Variants in ATRNL1 observed in about 807,000 individuals in gnomAD.
ATRNL1 encodes the protein attractin like 1.
In ATRNL1, 95 loss-of-function variants were observed where a neutral mutation model predicts 182.7. The ratio of observed to expected loss-of-function variants is 0.52; its 90% confidence interval spans 0.44 to 0.62. The LOEUF (loss-of-function observed/expected upper bound fraction) is 0.62, where lower values mean the gene tolerates loss of function less well. Ranked by LOEUF, ATRNL1 falls within the 20% of genes least tolerant of loss-of-function variation. ATRNL1 has a pLI of 0.00. For missense variants in ATRNL1, 1,471 were observed against 1,679.5 expected, an observed-to-expected ratio of 0.88 and a Z score of 2.17; for synonymous variants, 576 against 568.3, an observed-to-expected ratio of 1.01 and a Z score of -0.19.
chr10:115,274,102 G>A (rs955075559), intron 13 of ATRNL1, among the ~76,000 whole-genome samples: 2 of 152,194 alleles, frequency 1.3e-5, no homozygotes, highest in Non-Finnish European at 2.9e-5. Context: ...CTAAGGGTCT[G>A]CACTATTATT....
intron 5 of ATRNL1, among the ~76,000 whole-genome samples, chr10:115,147,768 T>C (rs1846035823): frequency 1.3e-5 from 2 of 152,134 alleles, no homozygotes. Flanking sequence ...TTGAAATCAG[T>C]GAGTATAAAT....
intron 26 of ATRNL1, among the ~76,000 whole-genome samples, chr10:115,616,289 T>G (rs1857425747): frequency 6.6e-6 from 1 of 152,166 alleles, no homozygotes; most frequent in South Asian, 2.1e-4. Context: ...GCATTCAAGT[T>G]GTGGCGTGGC....
intron 26 of ATRNL1, among the ~76,000 whole-genome samples, chr10:115,664,859 A>T (rs1480010351): frequency 6.6e-6 from 1 of 152,152 alleles, no homozygotes; most frequent in Admixed American, 6.6e-5. Context: ...GTGAAAATCT[A>T]CAGGATCAGG....
chr10:115,643,000 G>T (rs1213795145), intron 26 of ATRNL1, among the ~76,000 whole-genome samples: 1 of 152,124 alleles, frequency 6.6e-6, no homozygotes, highest in African/African-American at 2.4e-5. Flanking sequence ...ATAGAGGCTA[G>T]GGAATCTGAT....
intron 26 of ATRNL1, among the ~76,000 whole-genome samples, chr10:115,680,858 T>C (rs1364186317): frequency 6.6e-6 from 1 of 152,106 alleles, no homozygotes; most frequent in Non-Finnish European, 1.5e-5. Context: ...AAGATAATCA[T>C]GTGAATACCA....
intron 19 of ATRNL1, among the ~76,000 whole-genome samples, chr10:115,392,200 C>G (rs565871396): frequency 6.6e-6 from 1 of 152,176 alleles, no homozygotes; most frequent in South Asian, 2.1e-4. Flanking sequence ...AATCTTTTGT[C>G]TTCACAAAAT....
intron 28 of ATRNL1, among the ~76,000 whole-genome samples, chr10:115,863,447 A>G (rs1186226717): frequency 6.6e-6 from 1 of 152,220 alleles, no homozygotes; most frequent in Admixed American, 6.5e-5. Context: ...CAATTCTGAC[A>G]CTATTTAATG....
chr10:115,208,372 T>A (rs954244835), intron 8 of ATRNL1, among the ~76,000 whole-genome samples: 2 of 152,152 alleles, frequency 1.3e-5, no homozygotes, highest in Non-Finnish European at 2.9e-5. Context: ...CCTTCTATAC[T>A]TTTTAATTTT....
chr10:115,332,042 G>A (rs1460639805), intron 18 of ATRNL1, among the ~76,000 whole-genome samples: 1 of 152,056 alleles, frequency 6.6e-6, no homozygotes, highest in Admixed American at 6.6e-5. Flanking sequence ...TTTTTCCATA[G>A]GTGGCCTCAG....
chr10:115,580,085 G>C (rs1854976136), intron 26 of ATRNL1, among the ~76,000 whole-genome samples: 1 of 152,000 alleles, frequency 6.6e-6, no homozygotes, highest in Non-Finnish European at 1.5e-5. Flanking sequence ...AGTTATAGTT[G>C]TATTTGAAAC....
intron 9 of ATRNL1, chr10:115,220,510 C>T (rs1255380048): frequency 1.3e-5 from 2 of 152,034 alleles, no homozygotes; most frequent in Non-Finnish European, 2.9e-5. Flanking sequence ...TTAAGTAAGA[C>T]TCTTAGTATT....
In ATRNL1 at chr10:115,385,998, T is replaced by A. The variant is rs143698537; in HGVS notation, c.3176-8661T>A. On this transcript the variant is annotated intron_variant, in intron 19 of 28. Transcript: ENST00000355044. ...ACATCTTGAAATTATGTCTTTTAAGTCTTCTGTCTTCGTCTTTTTTAAATG... is the reference window on the plus strand; with the variant it reads ...ACATCTTGAAATTATGTCTTTTAAGACTTCTGTCTTCGTCTTTTTTAAATG... Among the ~76,000 whole-genome samples, 9 of 152,302 alleles carry A rather than the reference T, an allele frequency of 5.9e-5. No homozygotes were observed. The South Asian group carries it at 1.9e-3, about 32-fold the overall frequency.
At chr10:115,258,075 A>G (rs1486084283) in intron 10 of ATRNL1, among the ~76,000 whole-genome samples, 8 of 151,958 alleles carry the variant, frequency 5.3e-5, no homozygotes, top group Non-Finnish European at 1.2e-4. Context: ...TGAATCCAAC[A>G]ATTATGTGTC....
At chr10:115,421,326 A>G (rs1315438583) in intron 20 of ATRNL1, among the ~76,000 whole-genome samples, 1 of 152,184 alleles carries the variant, frequency 6.6e-6, no homozygotes, top group African/African-American at 2.4e-5. Context: ...ATCCAACAAC[A>G]TATTATAAGG....
chr10:115,523,450 C>G (rs1242928382), intron 25 of ATRNL1, among the ~76,000 whole-genome samples: 8 of 152,222 alleles, frequency 5.3e-5, no homozygotes, highest in Non-Finnish European at 1.2e-4. Context: ...CTCTTTCCTT[C>G]TCTGCCACAT....
chr10:115,613,073 G>A (rs555009140), intron 26 of ATRNL1, among the ~76,000 whole-genome samples: 9 of 152,278 alleles, frequency 5.9e-5, no homozygotes, highest in East Asian at 3.9e-4. Flanking sequence ...CAAAATGGCC[G>A]CAACAAGTAT....
At chr10:115,645,828 C>A (rs868961533) in intron 26 of ATRNL1, among the ~76,000 whole-genome samples, 2 of 151,980 alleles carry the variant, frequency 1.3e-5, no homozygotes, top group Non-Finnish European at 2.9e-5. Flanking sequence ...TCATTTCCTG[C>A]CACCCCATCC....
chr10:115,749,252 T>C (rs2134115297), intron 27 of ATRNL1, among the ~76,000 whole-genome samples: 1 of 152,022 alleles, frequency 6.6e-6, no homozygotes, highest in Admixed American at 6.6e-5. Flanking sequence ...ATTGTACTTA[T>C]TTTGTTTTAT....
intron 24 of ATRNL1, among the ~76,000 whole-genome samples, chr10:115,485,853 T>C (rs551364763): frequency 1.3e-5 from 2 of 152,066 alleles, no homozygotes; most frequent in African/African-American, 2.4e-5. Context: ...ATCAACCTGT[T>C]ATCTACATTA....
Sources: allele counts gnomAD v4.1 joint callset (sites outside exome capture counted in the v4.1 genomes callset), GRCh38; gene constraint gnomAD v4.1.1; transcripts MANE v1.5; gene names NCBI Gene and HGNC (gene_info 2026-07-23, HGNC 2026-07-21).